The following PTPRD variants were observed in gnomAD, a reference collection of about 807,000 sequenced individuals.
The protein encoded by PTPRD is protein tyrosine phosphatase receptor type D.
In PTPRD, 34 loss-of-function variants were observed where a neutral mutation model predicts 214.5. The observed-to-expected ratio is 0.16, with a 90% confidence interval of 0.12 to 0.21. The LOEUF (loss-of-function observed/expected upper bound fraction) is 0.21, where lower values mean the gene tolerates loss of function less well. Ranked by LOEUF, PTPRD falls within the 10% of genes least tolerant of loss-of-function variation. The pLI is 1.00. For missense variants in PTPRD, 2,545 were observed against 2,398.7 expected (o/e 1.06, Z -1.27); for synonymous variants, 1,128 against 845.7 (o/e 1.33, Z -5.79).
intron 9 of PTPRD, among the ~76,000 whole-genome samples, chr9:9,313,069 T>C (rs1960002835): frequency 6.6e-6 from 1 of 152,188 alleles, no homozygotes; most frequent in Non-Finnish European, 1.5e-5. Flanking sequence ...TAATATTTGA[T>C]GCATTTGGGG....
chr9:10,376,372 T>A (rs1334007419), intron 2 of PTPRD, among the ~76,000 whole-genome samples: 1 of 151,622 alleles, frequency 6.6e-6, no homozygotes, highest in East Asian at 1.9e-4. Flanking sequence ...AAAGGAAAAA[T>A]TATAGAACAA....
At chr9:8,772,641 T>C (rs1240691339) in intron 11 of PTPRD, among the ~76,000 whole-genome samples, 1 of 152,096 alleles carries the variant, frequency 6.6e-6, no homozygotes, top group East Asian at 1.9e-4. Flanking sequence ...AGACCTTGTC[T>C]CTAAAAAAAT....
chr9:8,780,472 A>G (rs1226608030), intron 11 of PTPRD, among the ~76,000 whole-genome samples: 2 of 152,200 alleles, frequency 1.3e-5, no homozygotes, highest in East Asian at 3.9e-4. Context: ...GAGACTAGGT[A>G]ATGTTTTCCT....
intron 14 of PTPRD, among the ~76,000 whole-genome samples, chr9:8,551,551 A>T (rs942362793): frequency 1.3e-5 from 2 of 152,186 alleles, no homozygotes; most frequent in African/African-American, 4.8e-5. Flanking sequence ...CAAGGATGCA[A>T]GAGTGATACA....
intron 12 of PTPRD, among the ~76,000 whole-genome samples, chr9:8,672,929 A>G (rs2097316823): frequency 6.6e-6 from 1 of 152,126 alleles, no homozygotes; most frequent in South Asian, 2.1e-4. Context: ...TGCCAATTAA[A>G]AACAGTAGAC....
chr9:10,311,797 G>A (rs1325124041), intron 3 of PTPRD, among the ~76,000 whole-genome samples: 4 of 151,996 alleles, frequency 2.6e-5, no homozygotes, highest in African/African-American at 9.7e-5. Context: ...GCCATAATGT[G>A]CTTTCCATCC....
intron 14 of PTPRD, among the ~76,000 whole-genome samples, chr9:8,565,722 T>C (rs1289417153): frequency 6.6e-6 from 1 of 152,226 alleles, no homozygotes; most frequent in South Asian, 2.1e-4. Flanking sequence ...TTTAAACTGC[T>C]AAAGATCCTA....
intron 21 of PTPRD, among the ~76,000 whole-genome samples, chr9:8,517,445 C>A (rs1424531159): frequency 6.6e-6 from 1 of 152,186 alleles, no homozygotes; most frequent in African/African-American, 2.4e-5. Context: ...GGCCCTGTAA[C>A]AGTTTTATTT....
chr9:9,837,919 T>C (rs1019516334), intron 5 of PTPRD, among the ~76,000 whole-genome samples: 1 of 151,852 alleles, frequency 6.6e-6, no homozygotes, highest in Non-Finnish European at 1.5e-5. Context: ...CCCTCCCCAC[T>C]CCCCCAACCC....
intron 7 of PTPRD, among the ~76,000 whole-genome samples, chr9:9,611,129 T>C (rs1045330700): frequency 1.3e-5 from 2 of 152,224 alleles, no homozygotes; most frequent in Admixed American, 1.3e-4. Context: ...GGCTACATGA[T>C]GTACCATAAT....
intron 14 of PTPRD, among the ~76,000 whole-genome samples, chr9:8,626,257 T>C (rs748785486): frequency 1.1e-4 from 16 of 151,894 alleles, no homozygotes; most frequent in Admixed American, 2.6e-4. Flanking sequence ...GAATGACTGT[T>C]TGATAGATTA....
At chr9:8,777,168 G>A (rs1191589060) in intron 11 of PTPRD, among the ~76,000 whole-genome samples, 1 of 151,526 alleles carries the variant, frequency 6.6e-6, no homozygotes, top group Non-Finnish European at 1.5e-5. Flanking sequence ...TTTTAGAGAT[G>A]GGGGTCTTAC....
chr9:10,302,399 C>A (rs615622), intron 3 of PTPRD, among the ~76,000 whole-genome samples: 36,403 of 151,970 alleles, frequency 0.24, 4,693 homozygotes, highest in African/African-American at 0.35. Flanking sequence ...AAGACAGGAT[C>A]AAATTCACAC....
chr9:9,801,172 G>A (rs962941591), intron 5 of PTPRD, among the ~76,000 whole-genome samples: 2 of 151,922 alleles, frequency 1.3e-5, no homozygotes, highest in African/African-American at 4.8e-5. Context: ...TCTTTTTAGT[G>A]ACAAATATAA....
chr9:10,281,532 C>G (rs957585643), intron 3 of PTPRD, among the ~76,000 whole-genome samples: 1 of 152,146 alleles, frequency 6.6e-6, no homozygotes, highest in Non-Finnish European at 1.5e-5. Context: ...AACTATGGTT[C>G]ATTTAAGACT....
intron 5 of PTPRD, among the ~76,000 whole-genome samples, chr9:9,836,381 G>A (rs1007928703): frequency 2.0e-5 from 3 of 152,074 alleles, no homozygotes; most frequent in African/African-American, 7.2e-5. Flanking sequence ...AATCTCTGAT[G>A]GGACTGCTGA....
At chr9:9,221,170 C>T (rs1455478877) in intron 9 of PTPRD, among the ~76,000 whole-genome samples, 1 of 152,006 alleles carries the variant, frequency 6.6e-6, no homozygotes, top group Non-Finnish European at 1.5e-5. Context: ...GCCTTGTTAA[C>T]AGGAATAATG....
chr9:9,892,547 T>C (rs2073715070), intron 5 of PTPRD, among the ~76,000 whole-genome samples: 1 of 152,094 alleles, frequency 6.6e-6, no homozygotes, highest in Admixed American at 6.6e-5. Flanking sequence ...GATGTTGGCT[T>C]ACTAGTAAGA....
chr9:8,638,592 A>T (rs2096499438), intron 12 of PTPRD, among the ~76,000 whole-genome samples: 2 of 152,306 alleles, frequency 1.3e-5, no homozygotes, highest in East Asian at 1.9e-4. Context: ...TTTCCAAAGG[A>T]GGGAAGTTCA....
Sources: gnomAD v4.1 joint callset for allele counts (sites outside exome capture counted in the v4.1 genomes callset) on GRCh38, gnomAD v4.1.1 for gene constraint, MANE v1.5 for transcripts, NCBI Gene and HGNC (gene_info 2026-07-23, HGNC 2026-07-21) for gene names.